MAP3K15: variants seen among roughly 807,000 people sequenced by gnomAD.
MAP3K15 encodes the protein mitogen-activated protein kinase kinase kinase 15, also known as MAPK/ERK kinase kinase 15.
A neutral mutation model predicts 99.5 loss-of-function variants in MAP3K15; 124 were observed. The observed-to-expected ratio is 1.25, with a 90% CI of 1.08 to 1.45. MAP3K15 has a LOEUF of 1.45. Among genes scored for constraint, MAP3K15 ranks in the 40% most tolerant of loss-of-function variants. The probability of loss-of-function intolerance (pLI) is 0.00; values close to 1 mark genes in which losing one functional copy is unlikely to be tolerated. For synonymous variants in MAP3K15, 494 were observed against 439.6 expected, an observed-to-expected ratio of 1.12 and a Z score of -1.55; for missense variants, 1,242 against 1,079.7, an observed-to-expected ratio of 1.15 and a Z score of -2.11.
intron 21 of MAP3K15, 64 bp from the exon 22 acceptor site, chrX:19,372,891 T>C: frequency 9.2e-7 from 1 of 1,082,401 alleles, no homozygotes; most frequent in South Asian, 2.1e-5. Flanking sequence ...GAGTGTGTCA[T>C]GTTAGGACGC....
chrX:19,398,063 CA>C (rs147279112), intron 15 of MAP3K15, among the ~76,000 whole-genome samples, 162 bp downstream of exon 15: 4,155 of 50,189 alleles, frequency 0.083, 196 homozygotes, highest in African/African-American at 0.19. Context: ...GACTCCGTTT[CA>C]AAAAAAAAAA....
rs145164970 is a variant in MAP3K15 at position 19,412,294 on chromosome X, T to C, written c.1698+1063A>G. 6.1e-3 allele frequency among the ~76,000 whole-genome samples: 681 copies of C among 112,274 alleles called. 3 individuals are homozygous for C. Among genetic ancestry groups the C allele is most frequent in the African/African-American group, 0.021 (644 of 30,935 alleles). ...ATTTTATGTAATAATCAACAGGCAT[T>C]TGTTCAGGAGTGGGTAACTGTTCCA... On this transcript the variant is annotated intron_variant, in intron 11 of 28. Coordinates refer to ENST00000338883, the MANE Select transcript of MAP3K15 (RefSeq NM_001001671.4).
At chrX:19,469,245 G>A (rs781165832) in intron 3 of MAP3K15, among the ~76,000 whole-genome samples, 1,453 of 111,267 alleles carry the variant, frequency 0.013, 9 homozygotes, top group Non-Finnish European at 0.019. Flanking sequence ...AAATAATGCC[G>A]CATAGCTACA....
rs746460639 is a variant in MAP3K15, at chrX:19,368,753, GAA to G, written c.3566+299_3566+300del. 3.6e-5 allele frequency among the ~76,000 whole-genome samples: 4 copies of G among 111,064 alleles called. No individual in the cohort carries two copies. The South Asian group carries it at 1.5e-3, about 43-fold the overall frequency. Reference sequence around the variant, plus strand: ...GGGGCCCCGTCTTGGTGAAAAGAGAGAAAGAATTCACAGATGCTGCTGCCTTT... The same window carrying G: ...GGGGCCCCGTCTTGGTGAAAAGAGAGAGAATTCACAGATGCTGCTGCCTTT... On this transcript the variant is annotated intron_variant, in intron 25 of 28. Transcript: ENST00000338883.
chrX:19,423,033 T>TGGGGGC (rs922150698), intron 9 of MAP3K15, among the ~76,000 whole-genome samples: 4 of 18,495 alleles, frequency 2.2e-4, no homozygotes, highest in African/African-American at 8.3e-4. Flanking sequence ...TGTTATGGGG[T>TGGGGGC]GGGGGCGGGG....
chrX:19,448,542 C>G (rs1309743041), intron 6 of MAP3K15, among the ~76,000 whole-genome samples: 1 of 107,650 alleles, frequency 9.3e-6, no homozygotes, highest in Non-Finnish European at 1.9e-5. Context: ...ATACCTTAAA[C>G]CACTGGAGGA....
intron 3 of MAP3K15, among the ~76,000 whole-genome samples, chrX:19,470,641 C>A (rs1016940758): frequency 9.1e-6 from 1 of 109,574 alleles, no homozygotes; most frequent in African/African-American, 3.3e-5. Context: ...AACAAGTAAA[C>A]AACAAAAACA....
chrX:19,446,860 A>T (rs1213903996), intron 6 of MAP3K15, among the ~76,000 whole-genome samples: 6 of 111,150 alleles, frequency 5.4e-5, no homozygotes, highest in Non-Finnish European at 9.4e-5. Context: ...TCCTTTTTTT[A>T]AAAAAATTAT....
chrX:19,361,077 G>A (rs760525544), intron 28 of MAP3K15: 15 of 419,373 alleles, frequency 3.6e-5, no homozygotes, highest in Middle Eastern at 6.4e-4. Context: ...TGGGTCCAGC[G>A]TGCAGGCACG....
intron 9 of MAP3K15, among the ~76,000 whole-genome samples, chrX:19,416,614 T>C (rs1333808061): frequency 8.9e-6 from 1 of 111,985 alleles, no homozygotes; most frequent in African/African-American, 3.2e-5. Flanking sequence ...CAGATTGAGT[T>C]CTGCAGTTAC....
chrX:19,375,101 G>A (rs900786798), intron 19 of MAP3K15, among the ~76,000 whole-genome samples: 1 of 112,463 alleles, frequency 8.9e-6, no homozygotes, highest in Non-Finnish European at 1.9e-5. Flanking sequence ...ATGTGAGTGA[G>A]CCCAGGCAAA....
chrX:19,362,641 A>G (rs2063300809), intron 26 of MAP3K15, 97 bp downstream of exon 26: 7 of 521,101 alleles, frequency 1.3e-5, no homozygotes, highest in Admixed American at 9.0e-5. Flanking sequence ...AATCTACTGG[A>G]GTCCTGGATT....
At chrX:19,453,167 T>A (rs2064067723) in intron 6 of MAP3K15, among the ~76,000 whole-genome samples, 1 of 111,294 alleles carries the variant, frequency 9.0e-6, no homozygotes, top group South Asian at 3.8e-4. Context: ...TAAAAGTGGT[T>A]AAGATGGTAA....
At chrX:19,361,182 G>T in intron 28 of MAP3K15, 157 bp downstream of exon 28, 1 of 453,907 alleles carries the variant, frequency 2.2e-6, no homozygotes, top group Non-Finnish European at 3.8e-6. Context: ...ACTTCTGCCT[G>T]GCTTTCAGTT....
chrX:19,364,337 GA>G (rs1405329206), intron 25 of MAP3K15, among the ~76,000 whole-genome samples: 1 of 112,089 alleles, frequency 8.9e-6, no homozygotes, highest in African/African-American at 3.2e-5. Context: ...TGCCTTGGGG[GA>G]AAGGGCTGAC....
chrX:19,392,099 A>G lies in MAP3K15; in HGVS notation c.2334T>C (p.Asn778=). 1 of 1,205,535 alleles carries G rather than the reference A, an allele frequency of 8.3e-7. No individual in the cohort carries two copies. The highest frequency in any genetic ancestry group is 1.1e-6 in the Non-Finnish European group (1 of 890,369). The change falls in exon 18 of 29, where the codon AAT becomes AAC. Residue 778 remains asparagine (N), a synonymous_variant. Coordinates refer to ENST00000338883, the MANE Select transcript of MAP3K15 (RefSeq NM_001001671.4). ...QIVHRDIKGD[N]VLVNTYSGVV... ...CTCCGCTGTAGGTGTTCACCAGAACATTATCGCCCTTCGGAAAATAACATC... is the reference window on the plus strand; with the variant it reads ...CTCCGCTGTAGGTGTTCACCAGAACGTTATCGCCCTTCGGAAAATAACATC...
intron 11 of MAP3K15, 135 bp downstream of exon 11, chrX:19,413,222 C>CTCATCTG: frequency 2.1e-6 from 1 of 482,322 alleles, no homozygotes; most frequent in Admixed American, 3.2e-5. Context: ...CCTACTGTCT[C>CTCATCTG]TCATCTGTGA....
intron 25 of MAP3K15, 24 bp from the exon 26 acceptor site, chrX:19,362,874 AGCC>A: frequency 8.8e-6 from 7 of 798,192 alleles, no homozygotes; most frequent in Non-Finnish European, 1.1e-5. Flanking sequence ...AAAAAAAAAA[AGCC>A]ATTATCCAGA....
intron 1 of MAP3K15, among the ~76,000 whole-genome samples, chrX:19,505,184 A>G (rs1478060449): frequency 2.8e-5 from 3 of 105,706 alleles, no homozygotes; most frequent in African/African-American, 1.1e-4. Flanking sequence ...CTGATGGTCC[A>G]AGCATCTCAT....
Sources: allele counts gnomAD v4.1 joint callset (sites outside exome capture counted in the v4.1 genomes callset), GRCh38; gene constraint gnomAD v4.1.1; transcripts MANE v1.5; gene names NCBI Gene and HGNC (gene_info 2026-07-23, HGNC 2026-07-21).